Variants in PSME4 observed in about 807,000 individuals in gnomAD.
PSME4 encodes the protein proteasome activator subunit 4.
In PSME4, 89 loss-of-function variants were observed where a neutral mutation model predicts 253.9. That is an observed-to-expected ratio of 0.35 (90% CI 0.30 to 0.42). PSME4 has a LOEUF of 0.42. Among genes scored for constraint, PSME4 ranks in the 10% least tolerant of loss-of-function variants. The pLI, the probability that PSME4 is intolerant of heterozygous loss-of-function variation, is 1.00. For missense variants in PSME4, 2,014 were observed against 2,195.2 expected (o/e 0.92, Z 1.65); for synonymous variants, 851 against 759.2 (o/e 1.12, Z -1.99).
rs139940590 is a variant in PSME4, at chr2:53,955,108, T to C, written c.243-5825A>G. 2.1e-3 allele frequency among the ~76,000 whole-genome samples: 325 copies of C among 152,102 alleles called. 1 individual carries two copies. The highest frequency in any genetic ancestry group is 3.4e-3 in the Non-Finnish European group (232 of 67,992). On this transcript the variant is annotated intron_variant, in intron 1 of 46. Transcript: ENST00000404125. The stretch of plus-strand genomic sequence containing the variant: ...AGCATCTGAGTCTGGGAGGTTGAGG[T>C]TGCAGTGAGCCATGATCTTGCCACT...
intron 10 of PSME4, among the ~76,000 whole-genome samples, chr2:53,931,396 AACTT>A (rs1238584898): frequency 6.6e-6 from 1 of 152,236 alleles, no homozygotes; most frequent in Non-Finnish European, 1.5e-5. Context: ...AATAAAATAA[AACTT>A]ACACTGTAAA....
intron 1 of PSME4, among the ~76,000 whole-genome samples, chr2:53,949,503 G>T (rs1669878707): frequency 6.7e-6 from 1 of 149,296 alleles, no homozygotes; most frequent in South Asian, 2.1e-4. Flanking sequence ...TTTCTGGATA[G>T]AAACAGGAAT....
chr2:53,947,052 CTTGTT>C (rs376039742), intron 3 of PSME4, among the ~76,000 whole-genome samples: 37 of 152,114 alleles, frequency 2.4e-4, no homozygotes, highest in African/African-American at 8.7e-4. Context: ...AATGAGTTTC[CTTGTT>C]TTAACACATG....
At chr2:53,935,391 T>A (rs947019053) in intron 7 of PSME4, among the ~76,000 whole-genome samples, 1 of 152,140 alleles carries the variant, frequency 6.6e-6, no homozygotes, top group African/African-American at 2.4e-5. Context: ...TGCATCCAGC[T>A]ACTCCCCAGC....
At chr2:53,947,217 T>C (rs1485972834) in intron 3 of PSME4, among the ~76,000 whole-genome samples, 2 of 152,178 alleles carry the variant, frequency 1.3e-5, no homozygotes, top group African/African-American at 2.4e-5. Flanking sequence ...AAAAATTCTA[T>C]GGTAAGGGAC....
intron 4 of PSME4, among the ~76,000 whole-genome samples, chr2:53,938,464 C>T (rs529900259): frequency 1.3e-5 from 2 of 150,200 alleles, no homozygotes; most frequent in South Asian, 4.2e-4. Flanking sequence ...GCTAAATACA[C>T]CTTAATGGGC....
intron 14 of PSME4, 110 bp downstream of exon 14, chr2:53,925,429 G>A (rs904654152): frequency 7.7e-5 from 78 of 1,013,358 alleles, no homozygotes; most frequent in Non-Finnish European, 1.0e-4. Context: ...ACTTTAGTAT[G>A]AATGTAAATG....
chr2:53,970,302 G>A (rs1671000071), intron 1 of PSME4, among the ~76,000 whole-genome samples: 1 of 152,196 alleles, frequency 6.6e-6, no homozygotes, highest in African/African-American at 2.4e-5. Flanking sequence ...AACACTTCGG[G>A]AGAAGCAGAT....
intron 36 of PSME4, among the ~76,000 whole-genome samples, chr2:53,891,942 A>C (rs1329993603): frequency 6.6e-6 from 1 of 152,028 alleles, no homozygotes; most frequent in Non-Finnish European, 1.5e-5. Context: ...GAAGGAAGGA[A>C]GGAAGGAAGG....
chr2:53,966,681 G>A (rs953214069), intron 1 of PSME4, among the ~76,000 whole-genome samples: 1 of 152,024 alleles, frequency 6.6e-6, no homozygotes, highest in Admixed American at 6.6e-5. Context: ...AAAGGCAAGA[G>A]GGCAAAATCA....
intron 34 of PSME4, among the ~76,000 whole-genome samples, chr2:53,894,351 A>C (rs1204849794): frequency 6.6e-6 from 1 of 151,966 alleles, no homozygotes; most frequent in East Asian, 1.9e-4. Flanking sequence ...GGCTCATTGC[A>C]GTCTTGCCTT....
chr2:53,940,140 A>C (rs928991325), intron 3 of PSME4, 140 bp from the exon 4 acceptor site: 2 of 594,644 alleles, frequency 3.4e-6, no homozygotes, highest in African/African-American at 3.9e-5. Flanking sequence ...TCCCTTTCAT[A>C]CAAACGGAAC....
intron 3 of PSME4, among the ~76,000 whole-genome samples, chr2:53,946,643 C>T (rs996708366): frequency 6.6e-6 from 1 of 152,186 alleles, no homozygotes; most frequent in African/African-American, 2.4e-5. Flanking sequence ...TGCCTGTAAT[C>T]CCAGCACTTT....
At chr2:53,962,400 CAAAA>C (rs113383017) in intron 1 of PSME4, among the ~76,000 whole-genome samples, 1 of 53,768 alleles carries the variant, frequency 1.9e-5, no homozygotes, top group African/African-American at 6.2e-5. Flanking sequence ...ACAAGCTTGC[CAAAA>C]AAAAAAAAAC....
chr2:53,926,308 G>A (rs900737425), intron 12 of PSME4, among the ~76,000 whole-genome samples: 1 of 152,160 alleles, frequency 6.6e-6, no homozygotes, highest in Non-Finnish European at 1.5e-5. Context: ...TCAAACTGCT[G>A]ATTTTTGCAA....
intron 41 of PSME4, among the ~76,000 whole-genome samples, chr2:53,878,966 T>C (rs1252483785): frequency 6.6e-6 from 1 of 152,204 alleles, no homozygotes; most frequent in East Asian, 1.9e-4. Flanking sequence ...TGAAAATCAC[T>C]AATAAAAACT....
At chr2:53,928,894 G>A (rs1668689790) in intron 10 of PSME4, among the ~76,000 whole-genome samples, 1 of 152,160 alleles carries the variant, frequency 6.6e-6, no homozygotes, top group Non-Finnish European at 1.5e-5. Context: ...GCCAGGGTGT[G>A]ATGGCTCACA....
At chr2:53,874,277 A>C (rs1679021851) in intron 43 of PSME4, 62 bp downstream of exon 43, 2 of 1,497,720 alleles carry the variant, frequency 1.3e-6, no homozygotes, top group Non-Finnish European at 1.8e-6. Flanking sequence ...CTTATTAAAA[A>C]GGGAACCATG....
At position 53,928,210 on chromosome 2, in the gene PSME4, T is replaced by C. The variant is rs750565799; in HGVS notation, c.1410A>G (p.Gly470=). ...VIGVARSLVS[G]GRWFPEGPTH... is the part of the protein sequence containing the mutation. ...TAGGACCTTCAGGAAACCATCTGCC[T>C]CCTGATACCAAACTGCGGGCTACTC... Residue 470 remains glycine, a synonymous_variant, in exon 11 of 47, where the codon GGA becomes GGG. Transcript: ENST00000404125. 1 of 1,614,120 alleles carries C rather than the reference T, an allele frequency of 6.2e-7. No individual in the cohort carries two copies. Among genetic ancestry groups the C allele is most frequent in the Non-Finnish European group, 8.5e-7 (1 of 1,179,992 alleles).
Sources: allele counts gnomAD v4.1 joint callset (sites outside exome capture counted in the v4.1 genomes callset), GRCh38; gene constraint gnomAD v4.1.1; transcripts MANE v1.5; gene names NCBI Gene and HGNC (gene_info 2026-07-23, HGNC 2026-07-21).